Variants in RPS6KA5 observed in about 807,000 individuals in gnomAD.
RPS6KA5 encodes the protein ribosomal protein S6 kinase alpha-5.
In RPS6KA5, 27 loss-of-function variants were observed where a neutral mutation model predicts 85.5. The observed-to-expected ratio is 0.32, with a 90% CI of 0.23 to 0.44. The LOEUF (loss-of-function observed/expected upper bound fraction) is 0.44, where lower values mean the gene tolerates loss of function less well. RPS6KA5 is among the 20% of genes least tolerant of loss of function. RPS6KA5 has a pLI of 1.00. For synonymous variants in RPS6KA5, 334 were observed against 348.2 expected (o/e 0.96, Z 0.46); for missense variants, 811 against 980.9 (o/e 0.83, Z 2.31).
At chr14:90,976,401 C>T (rs1462287940) in intron 3 of RPS6KA5, among the ~76,000 whole-genome samples, 1 of 152,056 alleles carries the variant, frequency 6.6e-6, no homozygotes, top group African/African-American at 2.4e-5. Context: ...TCATGGACTT[C>T]CTAAGGCTTT....
chr14:90,870,809 T>C lies in RPS6KA5; in HGVS notation c.*1265A>G, dbSNP rs979119363. On this transcript the variant is annotated 3_prime_UTR_variant, in exon 17 of 17. Coordinates refer to ENST00000614987, the MANE Select transcript of RPS6KA5 (RefSeq NM_004755.4). Reference sequence around the variant, plus strand: ...AACACACAAACCCTATCACTTCTTTTTTTTTTTTTTTTTTTTTTGCATAGG... The same window carrying C: ...AACACACAAACCCTATCACTTCTTTCTTTTTTTTTTTTTTTTTTGCATAGG... 6 of 149,170 alleles carry C rather than the reference T, an allele frequency of 4.0e-5. No individual in the cohort carries two copies. Among genetic ancestry groups the C allele is most frequent in the African/African-American group, 1.5e-4 (6 of 40,456 alleles). 9.2% of individuals were successfully genotyped at this position (149,170 alleles called of 1,614,324 possible).
rs554201608 is a variant in RPS6KA5, at chr14:90,853,932, T to C, written c.*18142A>G. Reference sequence around the variant, plus strand: ...TTTGTACCAGAGAAAACTCTGTATATACCAGTACAGGTGGGGGATTACTGG... The same window carrying C: ...TTTGTACCAGAGAAAACTCTGTATACACCAGTACAGGTGGGGGATTACTGG... On this transcript the variant is annotated 3_prime_UTR_variant, in exon 17 of 17. Transcript: ENST00000614987. 6 of 152,314 alleles carry C rather than the reference T, an allele frequency of 3.9e-5. No homozygotes were observed. The South Asian group carries it at 1.2e-3, about 32-fold the overall frequency. The allele number at this position is 152,314 out of a possible 1,614,324, so 9.4% of individuals were successfully genotyped here. A position where few individuals can be genotyped will look rare whatever the true frequency, so the allele number is the denominator to read the frequency against.
intron 14 of RPS6KA5, among the ~76,000 whole-genome samples, chr14:90,889,765 T>C (rs1330476514): frequency 6.6e-6 from 1 of 152,102 alleles, no homozygotes; most frequent in Non-Finnish European, 1.5e-5. Flanking sequence ...TGTGGAAAGA[T>C]GAAAAGCCTA....
At chr14:91,043,989 G>A (rs185382715) in intron 1 of RPS6KA5, among the ~76,000 whole-genome samples, 29 of 152,200 alleles carry the variant, frequency 1.9e-4, no homozygotes, top group Non-Finnish European at 2.8e-4. Flanking sequence ...CACTTTTGGC[G>A]GCCAAGGAGG....
intron 1 of RPS6KA5, among the ~76,000 whole-genome samples, chr14:91,014,359 G>A (rs1259825969): frequency 6.6e-6 from 1 of 151,844 alleles, no homozygotes; most frequent in Non-Finnish European, 1.5e-5. Flanking sequence ...AAAATTAGCT[G>A]GGCATGGTGG....
At chr14:91,006,611 G>C (rs2041029289) in intron 1 of RPS6KA5, among the ~76,000 whole-genome samples, 1 of 152,144 alleles carries the variant, frequency 6.6e-6, no homozygotes, top group African/African-American at 2.4e-5. Flanking sequence ...CCTTAATCTT[G>C]GAATTCCCAG....
At chr14:91,036,559 A>G (rs565984611) in intron 1 of RPS6KA5, among the ~76,000 whole-genome samples, 73 of 152,350 alleles carry the variant, frequency 4.8e-4, no homozygotes, top group African/African-American at 1.7e-3. Flanking sequence ...AGCACATCAG[A>G]AAAGGACATT....
At chr14:90,921,444 A>C (rs1164585897) in intron 6 of RPS6KA5, among the ~76,000 whole-genome samples, 3 of 152,206 alleles carry the variant, frequency 2.0e-5, no homozygotes, top group African/African-American at 7.2e-5. Flanking sequence ...GAGTAATATA[A>C]GATTTTCTTA....
intron 7 of RPS6KA5, among the ~76,000 whole-genome samples, chr14:90,917,471 T>G (rs2036181060): frequency 6.6e-6 from 1 of 152,188 alleles, no homozygotes; most frequent in Admixed American, 6.5e-5. Context: ...TTGACATATG[T>G]ATACACCTGT....
rs538764415 is a variant in RPS6KA5, at chr14:90,893,195, C to T, written c.1644+1218G>A. Among the ~76,000 whole-genome samples, 7 of 152,264 alleles carry T rather than the reference C, an allele frequency of 4.6e-5. No homozygotes were observed. In the South Asian group the frequency reaches 1.2e-3, roughly 27 times the overall value. ...ATCAAGAAAACATTTAAGTGGTGTG[C>T]TTTCACATTTAAAAATAGACAGCTA... On this transcript the variant is annotated intron_variant, in intron 13 of 16. Transcript: ENST00000614987.
In RPS6KA5 at chr14:90,865,868, T is replaced by A. The variant is rs2032782233; in HGVS notation, c.*6206A>T. ...TACGGGCACTGAAATAACATTTTTG[T>A]AAAGTAGCCTTCTCTATGTTGATTG... On this transcript the variant is annotated 3_prime_UTR_variant, in exon 17 of 17. Transcript: ENST00000614987. 6.6e-6 allele frequency: 1 copy of A among 152,218 alleles called. No homozygotes were observed. The highest frequency in any genetic ancestry group is 2.4e-5 in the African/African-American group (1 of 41,454). The allele number at this position is 152,218 out of a possible 1,614,324, so 9.4% of individuals were successfully genotyped here.
At chr14:90,914,503 TG>T (rs1036982547) in intron 7 of RPS6KA5, among the ~76,000 whole-genome samples, 3 of 151,870 alleles carry the variant, frequency 2.0e-5, no homozygotes, top group African/African-American at 7.3e-5. Context: ...TTAGTAGAGA[TG>T]GGGTTTTGCC....
intron 3 of RPS6KA5, among the ~76,000 whole-genome samples, chr14:90,967,454 A>C (rs1193559640): frequency 6.6e-6 from 1 of 152,188 alleles, no homozygotes; most frequent in Non-Finnish European, 1.5e-5. Flanking sequence ...CAATTTATAG[A>C]CTTGAAAAAT....
chr14:90,990,162 T>C (rs2040241304), intron 2 of RPS6KA5, among the ~76,000 whole-genome samples: 1 of 151,944 alleles, frequency 6.6e-6, no homozygotes, highest in African/African-American at 2.4e-5. Context: ...GACTAGAAAG[T>C]AGGCGGACAA....
chr14:90,952,884 C>T (rs910112764), intron 3 of RPS6KA5, among the ~76,000 whole-genome samples: 1 of 152,176 alleles, frequency 6.6e-6, no homozygotes, highest in Non-Finnish European at 1.5e-5. Context: ...GGAGCTGAGG[C>T]GTTAGATCAG....
chr14:90,897,996 C>A (rs2034934913), intron 12 of RPS6KA5, among the ~76,000 whole-genome samples: 1 of 152,182 alleles, frequency 6.6e-6, no homozygotes, highest in South Asian at 2.1e-4. Flanking sequence ...GCGGTTCCCC[C>A]TGAGTCCTTG....
At chr14:91,038,969 C>T (rs2042501335) in intron 1 of RPS6KA5, among the ~76,000 whole-genome samples, 2 of 152,172 alleles carry the variant, frequency 1.3e-5, no homozygotes, top group African/African-American at 4.8e-5. Flanking sequence ...CTGCCATAGG[C>T]CCTCTTTTCA....
At chr14:91,017,811 G>A (rs2041569054) in intron 1 of RPS6KA5, among the ~76,000 whole-genome samples, 1 of 152,264 alleles carries the variant, frequency 6.6e-6, no homozygotes, top group Non-Finnish European at 1.5e-5. Context: ...TTTCCACCAG[G>A]AGACACAACA....
intron 2 of RPS6KA5, among the ~76,000 whole-genome samples, chr14:91,000,098 G>A (rs974904388): frequency 6.6e-6 from 1 of 152,100 alleles, no homozygotes. Context: ...AAGCCACCAC[G>A]CCCGGGCACC....
Sources: gnomAD v4.1 joint callset for allele counts (sites outside exome capture counted in the v4.1 genomes callset) on GRCh38, gnomAD v4.1.1 for gene constraint, MANE v1.5 for transcripts, NCBI Gene and HGNC (gene_info 2026-07-23, HGNC 2026-07-21) for gene names.